The following GAK variants were observed in gnomAD, a reference collection of about 807,000 sequenced individuals.
The protein encoded by GAK is cyclin-G-associated kinase.
A neutral mutation model predicts 143.9 loss-of-function variants in GAK; 79 were observed. That is an observed-to-expected ratio of 0.55 (90% CI 0.46 to 0.66). GAK has a LOEUF of 0.66. Among genes scored for constraint, GAK ranks in the 30% least tolerant of loss-of-function variants. The probability of loss-of-function intolerance (pLI) is 0.00; values close to 1 mark genes in which losing one functional copy is unlikely to be tolerated. For synonymous variants in GAK, 881 were observed against 765.5 expected (o/e 1.15, Z -2.49); for missense variants, 1,693 against 1,779.7 (o/e 0.95, Z 0.88).
At position 849,697 on chromosome 4, in the gene GAK, G is replaced by C. The variant is rs200257448; in HGVS notation, c.3912C>G (p.Asn1304Lys). The C allele has an allele frequency of 2.5e-6, 4 of 1,612,974 alleles. No homozygotes were observed. Among genetic ancestry groups the C allele is most frequent in the Non-Finnish European group, 3.4e-6 (4 of 1,179,500 alleles). ...CTCAGAAGAGGGGCCGGGAGCCCTG[G>C]TTCTCAAACTCCGACCAGGCGTCAT... ...ELNDAWSEFE[N>K]QGSRPLF The change falls in exon 28 of 28, where the codon AAC (asparagine) becomes AAG (lysine). Residue 1304 changes from asparagine to lysine, a missense_variant. This residue lies in a region of GAK where 822 missense variants were observed against 788.7 expected (regional missense o/e 1.04). Transcript: ENST00000314167.
At chr4:898,939 G>A (rs1028806042) in intron 5 of GAK, among the ~76,000 whole-genome samples, 1 of 152,338 alleles carries the variant, frequency 6.6e-6, no homozygotes, top group East Asian at 1.9e-4. Context: ...ACACCTTCTG[G>A]CGCAGCTCTG....
chr4:884,805 G>A (rs1369819644), intron 11 of GAK, among the ~76,000 whole-genome samples: 1 of 152,248 alleles, frequency 6.6e-6, no homozygotes. Context: ...GCAGGCCGGA[G>A]GCTGCGGGGA....
At chr4:911,924 G>T in intron 3 of GAK, 137 bp from the exon 4 acceptor site, 1 of 643,054 alleles carries the variant, frequency 1.6e-6, no homozygotes, top group Middle Eastern at 2.7e-4. Context: ...ACGTCAGAGC[G>T]GAAGATGAGG....
chr4:917,266 A>G (rs1176468662), intron 1 of GAK, among the ~76,000 whole-genome samples: 3 of 152,100 alleles, frequency 2.0e-5, no homozygotes, highest in Non-Finnish European at 1.5e-5. Flanking sequence ...ACACACATAC[A>G]GTTAGTGTAC....
chr4:890,314 C>A (rs1717388057), intron 10 of GAK, among the ~76,000 whole-genome samples: 1 of 152,196 alleles, frequency 6.6e-6, no homozygotes, highest in South Asian at 2.1e-4. Flanking sequence ...CTGACCCCCT[C>A]CTGAACTGCA....
At chr4:909,525 G>C in intron 4 of GAK, among the ~76,000 whole-genome samples, 1 of 152,006 alleles carries the variant, frequency 6.6e-6, no homozygotes, top group Non-Finnish European at 1.5e-5. Context: ...GCCGGGAGCG[G>C]CGTGTCAGGG....
intron 21 of GAK, among the ~76,000 whole-genome samples, 188 bp downstream of exon 21, chr4:866,768 C>A (rs1751260644): frequency 6.6e-6 from 1 of 152,176 alleles, no homozygotes; most frequent in South Asian, 2.1e-4. Flanking sequence ...CCAGTAGCTC[C>A]CGGCCCGTGA....
At chr4:865,331 T>G in intron 22 of GAK, 87 bp from the exon 23 acceptor site, 71 of 1,512,550 alleles carry the variant, frequency 4.7e-5, no homozygotes, top group Non-Finnish European at 6.1e-5. Flanking sequence ...CTCAGGGCCC[T>G]AGGAGCGGAC....
At chr4:926,600 A>G (rs188775495) in intron 1 of GAK, among the ~76,000 whole-genome samples, 3 of 152,308 alleles carry the variant, frequency 2.0e-5, no homozygotes, top group Admixed American at 6.5e-5. Flanking sequence ...AAATACGAAG[A>G]GCCCCTAAGG....
chr4:926,768 G>A (rs905371487), intron 1 of GAK, among the ~76,000 whole-genome samples: 3 of 152,138 alleles, frequency 2.0e-5, no homozygotes, highest in South Asian at 2.1e-4. Context: ...GGCCTCACAG[G>A]CCTGATGACC....
At position 850,031 on chromosome 4, in the gene GAK, CG is replaced by C; in HGVS notation, c.3694del (p.Arg1232GlyfsTer32). 1.9e-6 allele frequency: 3 copies of C among 1,600,956 alleles called. No individual in the cohort carries two copies. Among genetic ancestry groups the C allele is most frequent in the Non-Finnish European group, 1.7e-6 (2 of 1,172,022 alleles). Reference protein sequence around the residue: ...DWIEGKERNIRALLSTLHTVL... With the variant: ...DWIEGKERNIXALLSTLHTVL... ...TGTGTGCAGCGTGGACAGCAGGGCC[CG>C]GATGTTCCGCTCCTTGCCCTCAATC... On this transcript the variant is annotated frameshift_variant, in exon 27 of 28. Coordinates refer to ENST00000314167, the MANE Select transcript of GAK (RefSeq NM_005255.4). LOFTEE classifies it high-confidence loss of function.
chr4:851,786 C>A lies in GAK; in HGVS notation c.3472G>T (p.Ala1158Ser). The A allele has an allele frequency of 6.2e-7, 1 of 1,612,942 alleles. No individual in the cohort carries two copies. The highest frequency in any genetic ancestry group is 8.5e-7 in the Non-Finnish European group (1 of 1,179,550). The change falls in exon 25 of 28, where the codon GCG becomes TCG. Residue 1158 changes from alanine (A) to serine (S), a missense_variant. This residue lies in a region of GAK where 822 missense variants were observed against 788.7 expected (regional missense o/e 1.04). Transcript: ENST00000314167. ...NYASNFSVIG[A>S]REERGVRAPS... ...GCGCGGACCCCCCGCTCCTCCCGCG[C>A]CCCGATCACACTGAAGTTCGAGGCA...
rs1430446897 is a variant in GAK, at chr4:851,742, G to A, written c.3508+8C>T. ...AAACTCCACAGCAACAGAGAGTGGG[G>A]GACTCACCAAAGCTGGGTGCGCGGA... is the stretch of plus-strand genomic sequence containing the variant. On this transcript the variant is annotated splice_region_variant and intron_variant, in intron 25 of 27. Coordinates refer to ENST00000314167, the MANE Select transcript of GAK (RefSeq NM_005255.4). 2 of 1,611,766 alleles carry A rather than the reference G, an allele frequency of 1.2e-6. No individual in the cohort carries two copies. Among genetic ancestry groups the A allele is most frequent in the East Asian group, 2.2e-5 (1 of 44,876 alleles).
chr4:911,896 G>T, intron 3 of GAK, 109 bp from the exon 4 acceptor site: 1 of 840,644 alleles, frequency 1.2e-6, no homozygotes, highest in Non-Finnish European at 2.0e-6. Context: ...TACTTGAATC[G>T]AACCCTTACA....
intron 11 of GAK, chr4:888,396 G>A (rs752673554): frequency 6.6e-5 from 11 of 166,136 alleles, no homozygotes; most frequent in Non-Finnish European, 1.2e-4. Context: ...CCGCACAGAC[G>A]CGCCCTTGGA....
intron 26 of GAK, chr4:850,304 C>T: frequency 2.3e-6 from 1 of 442,882 alleles, no homozygotes; most frequent in Non-Finnish European, 4.0e-6. Flanking sequence ...GGACCCTCGT[C>T]TCAGCCAGAT....
At chr4:855,274 A>C (rs1748936764) in intron 24 of GAK, among the ~76,000 whole-genome samples, 1 of 152,070 alleles carries the variant, frequency 6.6e-6, no homozygotes, top group South Asian at 2.1e-4. Flanking sequence ...TTGGTTTTGT[A>C]GTCCCACCAC....
intron 1 of GAK, among the ~76,000 whole-genome samples, chr4:918,976 T>C (rs35304478): frequency 1.1e-3 from 43 of 39,174 alleles, no homozygotes; most frequent in South Asian, 1.4e-3. Flanking sequence ...AAGGCCTCAG[T>C]GCCCCATGAC....
In GAK at chr4:877,079, G is replaced by C. The variant is rs778800316; in HGVS notation, c.1974+11C>G. 5.7e-6 allele frequency: 9 copies of C among 1,591,292 alleles called. No individual in the cohort carries two copies. Among genetic ancestry groups the C allele is most frequent in the Admixed American group, 1.7e-5 (1 of 59,924 alleles). On this transcript the variant is annotated intron_variant, in intron 17 of 27. Coordinates refer to ENST00000314167, the MANE Select transcript of GAK (RefSeq NM_005255.4). ...AGTGGGGAGCACCGGGCAAGCCACAGGCTCTCTCACCTTGGCCTGCAGCCG... is the reference window on the plus strand; with the variant it reads ...AGTGGGGAGCACCGGGCAAGCCACACGCTCTCTCACCTTGGCCTGCAGCCG...
Sources: gnomAD v4.1 joint callset for allele counts (sites outside exome capture counted in the v4.1 genomes callset) on GRCh38, gnomAD v4.1.1 for gene constraint, gnomAD v4.1.1 regional missense constraint, MANE v1.5 for transcripts, NCBI Gene and HGNC (gene_info 2026-07-23, HGNC 2026-07-21) for gene names.